The following ZFHX3 variants were observed in gnomAD, a reference collection of about 807,000 sequenced individuals.
ZFHX3 encodes the protein zinc finger homeobox 3.
Under a neutral mutation model 279.1 loss-of-function variants are expected in ZFHX3, and 42 were observed. The ratio of observed to expected loss-of-function variants is 0.15; its 90% CI spans 0.12 to 0.19. The LOEUF is 0.19. ZFHX3 is among the 10% of genes least tolerant of loss of function. The pLI is 1.00. For synonymous variants in ZFHX3, 2,293 were observed against 1,957.8 expected (o/e 1.17, Z -4.52); for missense variants, 4,981 against 4,754.0 (o/e 1.05, Z -1.40).
intron 2 of ZFHX3, among the ~76,000 whole-genome samples, chr16:73,606,823 A>C (rs929846600): frequency 6.6e-6 from 1 of 152,090 alleles, no homozygotes; most frequent in African/African-American, 2.4e-5. Context: ...ATAAGTGAGA[A>C]CATGCAGTGT....
At chr16:72,998,140 C>A (rs916436743) in intron 1 of ZFHX3, among the ~76,000 whole-genome samples, 27 of 151,844 alleles carry the variant, frequency 1.8e-4, no homozygotes, top group Non-Finnish European at 3.2e-4. Flanking sequence ...GTGGCTCACA[C>A]CTATAATCTC....
At chr16:72,889,087 G>C (rs1034772076) in intron 4 of ZFHX3, among the ~76,000 whole-genome samples, 1 of 152,094 alleles carries the variant, frequency 6.6e-6, no homozygotes, top group Admixed American at 6.6e-5. Context: ...GGGGAAAAAG[G>C]TGGCTGCAGG....
chr16:73,408,388 A>G (rs2017405662), intron 3 of ZFHX3, among the ~76,000 whole-genome samples: 1 of 152,164 alleles, frequency 6.6e-6, no homozygotes, highest in African/African-American at 2.4e-5. Flanking sequence ...GGGATGACAT[A>G]AAAAGGTATT....
chr16:73,123,630 G>A (rs1209931756), intron 7 of ZFHX3: 1 of 151,946 alleles, frequency 6.6e-6, no homozygotes, highest in African/African-American at 2.4e-5. Flanking sequence ...ATTAACAATT[G>A]TTGTTTTAAG....
intron 2 of ZFHX3, among the ~76,000 whole-genome samples, chr16:73,478,524 C>A (rs1356972613): frequency 6.6e-6 from 1 of 152,168 alleles, no homozygotes; most frequent in Non-Finnish European, 1.5e-5. Flanking sequence ...TTCCCCTGGG[C>A]AAACTGGGAC....
chr16:73,491,424 T>C (rs2019054343), intron 2 of ZFHX3, among the ~76,000 whole-genome samples: 2 of 152,250 alleles, frequency 1.3e-5, no homozygotes, highest in African/African-American at 4.8e-5. Context: ...AAGCACCAAC[T>C]GTCTGCCACA....
intron 1 of ZFHX3, among the ~76,000 whole-genome samples, chr16:73,811,430 A>G (rs1456184698): frequency 6.8e-6 from 1 of 147,348 alleles, no homozygotes; most frequent in Non-Finnish European, 1.5e-5. Context: ...CAATCCCTTC[A>G]GTCTCTTCTT....
chr16:73,236,564 C>A (rs1207332199), intron 5 of ZFHX3, among the ~76,000 whole-genome samples: 1 of 151,992 alleles, frequency 6.6e-6, no homozygotes, highest in African/African-American at 2.4e-5. Flanking sequence ...TGCCACTGCA[C>A]CCCAGCCTGG....
At chr16:73,547,289 A>T (rs181311085) in intron 2 of ZFHX3, among the ~76,000 whole-genome samples, 1 of 152,294 alleles carries the variant, frequency 6.6e-6, no homozygotes, top group East Asian at 1.9e-4. Context: ...ATATAAAGGG[A>T]GCGAAGGAAA....
At chr16:73,406,468 AT>A (rs2017362846) in intron 3 of ZFHX3, among the ~76,000 whole-genome samples, 1 of 152,162 alleles carries the variant, frequency 6.6e-6, no homozygotes, top group South Asian at 2.1e-4. Flanking sequence ...CTTCTTTACT[AT>A]TTGATACTTA....
chr16:73,511,530 G>T (rs2019428670), intron 2 of ZFHX3, among the ~76,000 whole-genome samples: 1 of 152,160 alleles, frequency 6.6e-6, no homozygotes, highest in Non-Finnish European at 1.5e-5. Flanking sequence ...TTAGGAAACG[G>T]TCATTACAAA....
At position 73,334,588 on chromosome 16, in the gene ZFHX3, C is replaced by G. The variant is rs542351376; in HGVS notation, c.-1290-16252G>C. Reference sequence around the variant, plus strand: ...AGGGGCCATTGTTCTGCCCGCTCCCCAAAGGACCGTCAGCCGAGTGGCCAC... The same window carrying G: ...AGGGGCCATTGTTCTGCCCGCTCCCGAAAGGACCGTCAGCCGAGTGGCCAC... On this transcript the variant is annotated intron_variant, in intron 3 of 17. Coordinates refer to the ZFHX3 transcript ENST00000641206. Among the ~76,000 whole-genome samples the G allele has an allele frequency of 2.3e-3, 348 of 152,054 alleles. 3 individuals are homozygous for G. Among genetic ancestry groups the G allele is most frequent in the South Asian group, 8.7e-3 (42 of 4,806 alleles).
At chr16:72,992,085 C>G (rs1206875048) in intron 1 of ZFHX3, among the ~76,000 whole-genome samples, 1 of 152,194 alleles carries the variant, frequency 6.6e-6, no homozygotes, top group East Asian at 1.9e-4. Flanking sequence ...CAGAGGCTGT[C>G]GCCGAACTGA....
At chr16:72,861,417 C>T (rs1038047889) in intron 4 of ZFHX3, among the ~76,000 whole-genome samples, 33 of 152,244 alleles carry the variant, frequency 2.2e-4, no homozygotes, top group African/African-American at 7.7e-4. Flanking sequence ...AGGACAAGCC[C>T]TCCCTGGGAG....
chr16:73,349,216 G>A (rs768596764), intron 3 of ZFHX3, among the ~76,000 whole-genome samples: 28 of 152,266 alleles, frequency 1.8e-4, no homozygotes, highest in Admixed American at 5.9e-4. Flanking sequence ...AAAGGAGGCC[G>A]GGCAAAGGCT....
At chr16:73,781,508 C>A (rs117561975) in intron 1 of ZFHX3, among the ~76,000 whole-genome samples, 1 of 152,284 alleles carries the variant, frequency 6.6e-6, no homozygotes, top group East Asian at 1.9e-4. Flanking sequence ...TGCATAACAT[C>A]TATGGCTGTC....
chr16:73,617,324 G>A (rs1201626463), intron 2 of ZFHX3, among the ~76,000 whole-genome samples: 4 of 152,142 alleles, frequency 2.6e-5, no homozygotes, highest in African/African-American at 7.2e-5. Flanking sequence ...GCAAATCAAA[G>A]GCACTGAATA....
At chr16:73,004,020 C>T (rs1422141321) in intron 1 of ZFHX3, among the ~76,000 whole-genome samples, 8 of 150,342 alleles carry the variant, frequency 5.3e-5, no homozygotes, top group Non-Finnish European at 1.2e-4. Context: ...TAATCAAATA[C>T]GTTAAAACAA....
rs34803776 is a variant in ZFHX3, at chr16:73,123,206, TAA to T, written c.-897+7760_-897+7761del. 305 of 135,840 alleles carry T rather than the reference TAA, an allele frequency of 2.2e-3. 1 individual carries two copies. Among genetic ancestry groups the T allele is most frequent in the Middle Eastern group, 3.6e-3 (1 of 276 alleles). 8.4% of individuals were successfully genotyped at this position (135,840 alleles called of 1,614,324 possible). ...GAAAGGAGTGTCCCATGTGGTAGAT[TAA>T]AAAAAAAAAAAATGGCTACAGTATT... On this transcript the variant is annotated intron_variant, in intron 7 of 17. Coordinates refer to the ZFHX3 transcript ENST00000641206.
Sources: gnomAD v4.1 joint callset for allele counts (sites outside exome capture counted in the v4.1 genomes callset) on GRCh38, gnomAD v4.1.1 for gene constraint, MANE v1.5 for transcripts, NCBI Gene and HGNC (gene_info 2026-07-23, HGNC 2026-07-21) for gene names.